RSPH14: variants seen among roughly 807,000 people sequenced by gnomAD.
RSPH14 encodes the protein rhabdoid tumor deletion region gene 1.
A neutral mutation model predicts 26.7 loss-of-function variants in RSPH14; 20 were observed. That is an observed-to-expected ratio of 0.75 (90% CI 0.53 to 1.09). The LOEUF (loss-of-function observed/expected upper bound fraction) is 1.09, where lower values mean the gene tolerates loss of function less well. Ranked by LOEUF, RSPH14 falls within the 50% of genes least tolerant of loss-of-function variation. The pLI is 0.00. For synonymous variants in RSPH14, 177 were observed against 189.3 expected (o/e 0.93, Z 0.53); for missense variants, 449 against 457.2 (o/e 0.98, Z 0.16).
chr22:23,166,628 C>T, the RSPH14 span, among the ~76,000 whole-genome samples: 6 of 152,146 alleles, frequency 3.9e-5, no homozygotes, highest in Non-Finnish European at 7.4e-5. Context: ...TGGTGGTCTG[C>T]CTTGTTCACT....
the RSPH14 span, among the ~76,000 whole-genome samples, chr22:23,173,369 C>T: frequency 4.6e-5 from 7 of 152,208 alleles, no homozygotes; most frequent in African/African-American, 1.7e-4. Context: ...CTCCTGACCT[C>T]GTGAGCCGCC....
At chr22:23,112,458 C>G (rs1317553578) in intron 4 of RSPH14, among the ~76,000 whole-genome samples, 1 of 152,126 alleles carries the variant, frequency 6.6e-6, no homozygotes, top group African/African-American at 2.4e-5. Flanking sequence ...TGCCAGGGTG[C>G]AGCCAGGAGG....
intron 4 of RSPH14, among the ~76,000 whole-genome samples, chr22:23,116,685 T>C (rs989208215): frequency 2.0e-5 from 3 of 152,158 alleles, no homozygotes; most frequent in Non-Finnish European, 4.4e-5. Context: ...TGTGAGGCCC[T>C]GGATGAGCCT....
intron 4 of RSPH14, among the ~76,000 whole-genome samples, chr22:23,101,553 C>G (rs1217258088): frequency 2.6e-5 from 4 of 152,220 alleles, no homozygotes; most frequent in African/African-American, 4.8e-5. Context: ...AGAACATGGC[C>G]TCACTCTGCC....
intron 4 of RSPH14, among the ~76,000 whole-genome samples, chr22:23,133,646 G>A (rs1457529192): frequency 1.3e-5 from 2 of 152,084 alleles, no homozygotes; most frequent in South Asian, 4.2e-4. Flanking sequence ...CTAGAGTGCA[G>A]TGGTGCAATC....
At chr22:23,092,208 C>T (rs1161207811) in intron 4 of RSPH14, among the ~76,000 whole-genome samples, 2 of 152,154 alleles carry the variant, frequency 1.3e-5, no homozygotes, top group East Asian at 1.9e-4. Flanking sequence ...CAGTAAAGCC[C>T]GGGTTAGACT....
At chr22:23,113,694 G>A (rs1042400479) in intron 4 of RSPH14, among the ~76,000 whole-genome samples, 2 of 152,218 alleles carry the variant, frequency 1.3e-5, no homozygotes, top group Non-Finnish European at 2.9e-5. Flanking sequence ...CCAGGACCTC[G>A]GCGCATCATC....
At chr22:23,085,959 T>C (rs2068807435) in intron 4 of RSPH14, among the ~76,000 whole-genome samples, 1 of 152,256 alleles carries the variant, frequency 6.6e-6, no homozygotes, top group South Asian at 2.1e-4. Context: ...CAGCAGGCGC[T>C]AATCCCCGCT....
intron 6 of RSPH14, among the ~76,000 whole-genome samples, chr22:23,061,163 G>A (rs186272855): frequency 1.3e-3 from 204 of 152,292 alleles, no homozygotes; most frequent in Middle Eastern, 3.4e-3. Context: ...GTCCTCCATG[G>A]AACTCAAAGG....
At chr22:23,173,850 G>C in the RSPH14 span, among the ~76,000 whole-genome samples, 1 of 152,046 alleles carries the variant, frequency 6.6e-6, no homozygotes, top group African/African-American at 2.4e-5. Context: ...TGGGACTACA[G>C]GCATGCGCCA....
At chr22:23,076,364 C>G (rs560255023) in intron 4 of RSPH14, among the ~76,000 whole-genome samples, 1 of 152,306 alleles carries the variant, frequency 6.6e-6, no homozygotes, top group South Asian at 2.1e-4. Context: ...TGAATATTCG[C>G]AGACAGTCAT....
In RSPH14 at chr22:23,059,628, T is replaced by G. The variant is rs776188438; in HGVS notation, c.881A>C (p.Lys294Thr). The G allele has an allele frequency of 6.2e-7, 1 of 1,610,160 alleles. No homozygotes were observed. Among genetic ancestry groups the G allele is most frequent in the South Asian group, 1.1e-5 (1 of 90,912 alleles). Residue 294 changes from lysine to threonine, a missense_variant, in exon 7 of 7, where the codon AAG (lysine) becomes ACG (threonine). Lys to Thr is a moderately conservative substitution (Grantham distance 78). Coordinates refer to ENST00000216036, the MANE Select transcript of RSPH14 (RefSeq NM_014433.3). ...GGCCTCTGCCAGCATGGTAAGGGCC[T>G]TGGTGGCATTCAGGCGCGCTATGGT... ...PMTIARLNAT[K>T]ALTMLAEAPE...
chr22:23,089,290 ACT>A (rs1264809190), intron 4 of RSPH14, among the ~76,000 whole-genome samples: 3 of 151,764 alleles, frequency 2.0e-5, no homozygotes, highest in Admixed American at 1.3e-4. Flanking sequence ...GGGGGCACTG[ACT>A]CTGTGCTGTG....
the RSPH14 span, among the ~76,000 whole-genome samples, chr22:23,172,821 G>A: frequency 6.6e-6 from 1 of 151,632 alleles, no homozygotes; most frequent in Non-Finnish European, 1.5e-5. Flanking sequence ...GTGGTGGCAG[G>A]CGCCTGTAGT....
chr22:23,122,672 G>T (rs1473039210), intron 4 of RSPH14: 1 of 198,694 alleles, frequency 5.0e-6, no homozygotes, highest in South Asian at 1.2e-4. Context: ...TGTGACGGGG[G>T]CTCCTGCAGA....
At chr22:23,092,828 G>A (rs757769570) in intron 4 of RSPH14, among the ~76,000 whole-genome samples, 7 of 152,198 alleles carry the variant, frequency 4.6e-5, no homozygotes, top group Non-Finnish European at 8.8e-5. Flanking sequence ...CAGAAGGGGC[G>A]CCTGGCTGTA....
upstream of RSPH14, chr22:23,145,594 A>C: frequency 6.4e-7 from 1 of 1,568,330 alleles, no homozygotes; most frequent in Non-Finnish European, 8.6e-7. Context: ...CCGGTCACCC[A>C]ACCCCGTGCT....
chr22:23,079,216 A>G (rs2068602043), intron 4 of RSPH14, among the ~76,000 whole-genome samples: 4 of 152,262 alleles, frequency 2.6e-5, no homozygotes, highest in Admixed American at 2.0e-4. Flanking sequence ...GGGGCAAGGC[A>G]GCACACGTGG....
At chr22:23,138,788 G>A (rs1039600403) in intron 3 of RSPH14, 52 bp downstream of exon 3, 2 of 1,456,988 alleles carry the variant, frequency 1.4e-6, no homozygotes, top group African/African-American at 1.4e-5. Flanking sequence ...ATCCACCCAG[G>A]GGAGAAGTGC....
Sources: allele counts gnomAD v4.1 joint callset (sites outside exome capture counted in the v4.1 genomes callset), GRCh38; gene constraint gnomAD v4.1.1; transcripts MANE v1.5; gene names NCBI Gene and HGNC (gene_info 2026-07-23, HGNC 2026-07-21).